The following HAUS8 variants were observed in gnomAD, a reference collection of about 807,000 sequenced individuals.
HAUS8 encodes the protein HAUS augmin-like complex subunit 8.
Under a neutral mutation model 42.9 loss-of-function variants are expected in HAUS8, and 38 were observed. The observed-to-expected ratio is 0.89, with a 90% CI of 0.68 to 1.16. The LOEUF (loss-of-function observed/expected upper bound fraction) is 1.16. Among genes scored for constraint, HAUS8 ranks in the 50% most tolerant of loss-of-function variants. The pLI is 0.00. For synonymous variants in HAUS8, 199 were observed against 205.8 expected (o/e 0.97, Z 0.28); for missense variants, 494 against 511.6 (o/e 0.97, Z 0.33).
intron 2 of HAUS8, among the ~76,000 whole-genome samples, chr19:17,072,158 G>C (rs1223096813): frequency 6.6e-6 from 1 of 152,010 alleles, no homozygotes; most frequent in East Asian, 1.9e-4. Flanking sequence ...GAAATAAAAA[G>C]ACAACTTACC....
chr19:17,075,067 T>G, intron 1 of HAUS8: 1 of 436,502 alleles, frequency 2.3e-6, no homozygotes, highest in Non-Finnish European at 4.2e-6. Flanking sequence ...TCTAAGCGCG[T>G]TTCAGCCTCA....
chr19:17,072,634 C>T (rs537154736), intron 2 of HAUS8, among the ~76,000 whole-genome samples: 1 of 152,130 alleles, frequency 6.6e-6, no homozygotes, highest in African/African-American at 2.4e-5. Context: ...GCCACCGTGT[C>T]CAGCCACATT....
At chr19:17,069,925 A>C (rs10411417) in intron 2 of HAUS8, among the ~76,000 whole-genome samples, 2,272 of 151,518 alleles carry the variant, frequency 0.015, 58 homozygotes, top group African/African-American at 0.053. Flanking sequence ...CTGTGAATGG[A>C]CCTTTGTGCT....
intron 3 of HAUS8, among the ~76,000 whole-genome samples, chr19:17,064,905 C>T (rs2057379214): frequency 6.6e-6 from 1 of 152,144 alleles, no homozygotes; most frequent in Non-Finnish European, 1.5e-5. Context: ...AAGCACTTAA[C>T]AGCATGAAAA....
intron 3 of HAUS8, 109 bp downstream of exon 3, chr19:17,068,922 G>C: frequency 1.1e-6 from 1 of 926,920 alleles, no homozygotes; most frequent in Non-Finnish European, 1.7e-6. Context: ...ATCCCAAAAT[G>C]CTTCCTTCAG....
chr19:17,070,777 G>C (rs541296907), intron 2 of HAUS8, among the ~76,000 whole-genome samples: 1 of 152,300 alleles, frequency 6.6e-6, no homozygotes, highest in African/African-American at 2.4e-5. Context: ...TATGTCAAAT[G>C]AATGATTCTA....
chr19:17,058,245 A>AG (rs989378856), intron 8 of HAUS8, among the ~76,000 whole-genome samples: 3 of 152,238 alleles, frequency 2.0e-5, no homozygotes, highest in African/African-American at 7.2e-5. Flanking sequence ...CTGACCCTGC[A>AG]GGGGAGTCCC....
chr19:17,075,275 A>C, intron 1 of HAUS8, 119 bp downstream of exon 1: 1 of 1,104,932 alleles, frequency 9.1e-7, no homozygotes, highest in Non-Finnish European at 1.4e-6. Flanking sequence ...GGGCCCGCGC[A>C]GTTCCTGGCG....
At chr19:17,066,263 GA>G (rs968819238) in intron 3 of HAUS8, among the ~76,000 whole-genome samples, 72 of 144,958 alleles carry the variant, frequency 5.0e-4, no homozygotes, top group African/African-American at 1.5e-3. Flanking sequence ...CTTGGCTAAT[GA>G]AAAAAAAAAA....
At chr19:17,050,588 C>G (rs372313531) in intron 10 of HAUS8, among the ~76,000 whole-genome samples, 1 of 152,086 alleles carries the variant, frequency 6.6e-6, no homozygotes, top group South Asian at 2.1e-4. Flanking sequence ...GGCAAAACCA[C>G]GTCTATACAA....
At chr19:17,054,333 A>G (rs572168938) in intron 9 of HAUS8, among the ~76,000 whole-genome samples, 11 of 152,210 alleles carry the variant, frequency 7.2e-5, no homozygotes, top group African/African-American at 2.6e-4. Flanking sequence ...TAAGAGTTAC[A>G]GATGTGGAGG....
At chr19:17,058,411 C>A in intron 8 of HAUS8, 138 bp downstream of exon 8, 1 of 775,084 alleles carries the variant, frequency 1.3e-6, no homozygotes, top group East Asian at 2.7e-5. Flanking sequence ...AGGACCAGAG[C>A]AAGTGTGGCA....
chr19:17,069,190 A>G (rs1179617578), intron 2 of HAUS8, 104 bp from the exon 3 acceptor site: 3 of 944,042 alleles, frequency 3.2e-6, no homozygotes, highest in Middle Eastern at 2.2e-4. Flanking sequence ...GGCCCTCTCC[A>G]CTCAGTGACC....
At position 17,055,185 on chromosome 19, in the gene HAUS8, TATATATAA is replaced by T. The variant is rs1361335343; in HGVS notation, c.787+668_787+675del. The stretch of plus-strand genomic sequence containing the variant: ...ATATATATATATATATATATATATA[TATATATAA>T]GCCAGGTGTGGTGGTGCCCACGTGT... On this transcript the variant is annotated intron_variant, in intron 9 of 10. Transcript: ENST00000253669. 89 of 53,758 alleles carry T rather than the reference TATATATAA, an allele frequency of 1.7e-3. 1 individual carries two copies. The highest frequency in any genetic ancestry group is 5.2e-3 in the African/African-American group (58 of 11,210). The allele number at this position is 53,758 out of a possible 1,614,324, so 3.3% of individuals were successfully genotyped here.
intron 3 of HAUS8, among the ~76,000 whole-genome samples, chr19:17,068,139 GGTCTC>G (rs2123379660): frequency 7.0e-6 from 1 of 142,554 alleles, no homozygotes; most frequent in African/African-American, 2.6e-5. Context: ...CACGGGTCAG[GGTCTC>G]GCTCTGTCGC....
rs781631367 is a variant in HAUS8 at position 17,052,933 on chromosome 19, C to T, written c.821G>A (p.Arg274His). The part of the protein sequence containing the change: ...ALQHELVTTQ[R>H]LLGELDVGDS... Reference sequence around the variant, plus strand: ...ACCAACATCAAGTTCTCCCAGGAGGCGCTGAGTGGTCACCAGTTCATGCTG... The same window carrying T: ...ACCAACATCAAGTTCTCCCAGGAGGTGCTGAGTGGTCACCAGTTCATGCTG... Residue 274 changes from arginine to histidine, a missense_variant, in exon 10 of 11, where the codon CGC becomes CAC. Coordinates refer to ENST00000253669, the MANE Select transcript of HAUS8 (RefSeq NM_033417.2). 49 of 1,614,088 alleles carry T rather than the reference C, an allele frequency of 3.0e-5. No individual in the cohort carries two copies. In the Admixed American group the frequency reaches 4.5e-4, roughly 15 times the overall value.
In HAUS8 at chr19:17,055,114, G is replaced by GGAAAA. The variant is rs1342027832; in HGVS notation, c.787+746_787+747insTTTTC. On this transcript the variant is annotated intron_variant, in intron 9 of 10. Transcript: ENST00000253669. ...AACATAGCGAAACCCCGTCTCTACA[G>GGAAAA]AAAAAAAAAAAAAAAAAAAAAAAAA... 4 of 4,722 alleles carry GGAAAA rather than the reference G, an allele frequency of 8.5e-4. 1 individual carries two copies. The highest frequency in any genetic ancestry group is 2.8e-3 in the African/African-American group (4 of 1,448). 0.3% of individuals were successfully genotyped at this position (4,722 alleles called of 1,614,324 possible). A position where few individuals can be genotyped will look rare whatever the true frequency, so the allele number is the denominator to read the frequency against.
At chr19:17,051,890 C>T (rs2057289583) in intron 10 of HAUS8, 1 of 151,728 alleles carries the variant, frequency 6.6e-6, no homozygotes, top group African/African-American at 2.4e-5. Context: ...CTTGTAATCC[C>T]AGCACTTTGG....
chr19:17,058,410 G>GC (rs1263812659), intron 8 of HAUS8, 139 bp downstream of exon 8: 12 of 767,776 alleles, frequency 1.6e-5, no homozygotes, highest in Non-Finnish European at 2.5e-5. Flanking sequence ...CAGGACCAGA[G>GC]CAAGTGTGGC....
Sources: allele counts gnomAD v4.1 joint callset (sites outside exome capture counted in the v4.1 genomes callset), GRCh38; gene constraint gnomAD v4.1.1; transcripts MANE v1.5; gene names NCBI Gene and HGNC (gene_info 2026-07-23, HGNC 2026-07-21).